PLCG2: variants seen among roughly 807,000 people sequenced by gnomAD.
The protein encoded by PLCG2 is phospholipase C gamma 2, also known as 1-phosphatidylinositol 4,5-bisphosphate phosphodiesterase gamma-2.
Under a neutral mutation model 175.6 loss-of-function variants are expected in PLCG2, and 69 were observed. The ratio of observed to expected loss-of-function variants is 0.39; its 90% CI spans 0.32 to 0.48. PLCG2 has a LOEUF of 0.48. PLCG2 is among the 20% of genes least tolerant of loss of function. PLCG2 has a pLI of 0.91. For synonymous variants in PLCG2, 827 were observed against 624.0 expected (o/e 1.33, Z -4.85); for missense variants, 1,798 against 1,650.9 (o/e 1.09, Z -1.54).
At chr16:81,897,436 T>C (rs775792570) in intron 13 of PLCG2, among the ~76,000 whole-genome samples, 1 of 152,196 alleles carries the variant, frequency 6.6e-6, no homozygotes, top group Non-Finnish European at 1.5e-5. Context: ...GCGGTTGTGA[T>C]GATTAAATGA....
At chr16:81,741,879 T>C (rs1197730064) in intron 1 of PLCG2, among the ~76,000 whole-genome samples, 2 of 152,230 alleles carry the variant, frequency 1.3e-5, no homozygotes, top group African/African-American at 4.8e-5. Context: ...CATTTCTTTG[T>C]GTTGTGAACA....
chr16:81,884,874 C>T (rs765299862), intron 9 of PLCG2, among the ~76,000 whole-genome samples: 9 of 151,976 alleles, frequency 5.9e-5, no homozygotes, highest in South Asian at 2.1e-4. Context: ...TTAAAAATTA[C>T]GAGCATTTTG....
At chr16:81,751,682 T>C (rs566695998) in intron 1 of PLCG2, among the ~76,000 whole-genome samples, 1 of 152,302 alleles carries the variant, frequency 6.6e-6, no homozygotes, top group South Asian at 2.1e-4. Context: ...GCTTTAATTA[T>C]TCCACGTTGT....
intron 5 of PLCG2, among the ~76,000 whole-genome samples, chr16:81,862,460 C>T (rs1907030127): frequency 1.3e-5 from 2 of 152,136 alleles, no homozygotes; most frequent in Non-Finnish European, 2.9e-5. Context: ...ACACTGAGGC[C>T]CAGAGAGGTT....
In PLCG2 at chr16:81,951,881, C is replaced by G. The variant is rs973308375; in HGVS notation, c.3571-4814C>G. The stretch of plus-strand genomic sequence containing the variant: ...AATTTTAGAAAAAAGGTCGAGTGAT[C>G]TCTATTGTATACAAATTTAAACTGT... On this transcript the variant is annotated intron_variant, in intron 31 of 32. Transcript: ENST00000564138. Among the ~76,000 whole-genome samples the G allele has an allele frequency of 7.9e-5, 12 of 152,266 alleles. No individual in the cohort carries two copies. The South Asian group carries it at 2.3e-3, about 29-fold the overall frequency.
At chr16:81,923,379 G>A (rs148928783) in intron 21 of PLCG2, 106 bp from the exon 22 acceptor site, 16 of 655,218 alleles carry the variant, frequency 2.4e-5, no homozygotes, top group Middle Eastern at 2.5e-4. Flanking sequence ...TTGGCCTGAA[G>A]CCTCCTGCTC....
At chr16:81,741,106 G>A (rs1240048673) in intron 1 of PLCG2, among the ~76,000 whole-genome samples, 3 of 152,218 alleles carry the variant, frequency 2.0e-5, no homozygotes, top group East Asian at 3.9e-4. Flanking sequence ...CTGCTGCCCC[G>A]ACATCCAGGC....
intron 2 of PLCG2, among the ~76,000 whole-genome samples, chr16:81,837,508 T>A (rs1269581513): frequency 6.6e-6 from 1 of 152,166 alleles, no homozygotes; most frequent in Non-Finnish European, 1.5e-5. Context: ...TAGAATCCCC[T>A]GGGAGGAGTA....
Position 81,923,314 on chromosome 16 carries a change from G to C in PLCG2, c.2308-171G>C, listed in dbSNP as rs1910131891. On this transcript the variant is annotated intron_variant, in intron 21 of 32. Coordinates refer to ENST00000564138, the MANE Select transcript of PLCG2 (RefSeq NM_002661.5). ...CTCCTTCACTCCCTGGTGGCTTTTT[G>C]GGGCCTTCGATCCTTTGCAATGCCA... is the stretch of plus-strand genomic sequence containing the variant. 3 of 556,298 alleles carry C rather than the reference G, an allele frequency of 5.4e-6. No homozygotes were observed. In the African/African-American group the frequency reaches 5.7e-5, roughly 10 times the overall value. 34.5% of individuals were successfully genotyped at this position (556,298 alleles called of 1,614,324 possible). A position where few individuals can be genotyped will look rare whatever the true frequency, so the allele number is the denominator to read the frequency against.
At chr16:81,905,544 C>G (rs747827456) in intron 15 of PLCG2, 37 bp downstream of exon 15, 2 of 1,376,288 alleles carry the variant, frequency 1.5e-6, no homozygotes, top group African/African-American at 2.8e-5. Context: ...ACTGCGGCCA[C>G]GCCCCTTGCA....
chr16:81,938,097 G>C (rs1348375404), intron 28 of PLCG2, among the ~76,000 whole-genome samples, 194 bp downstream of exon 28: 3 of 152,210 alleles, frequency 2.0e-5, no homozygotes, highest in Non-Finnish European at 4.4e-5. Context: ...GAAGAGGGAA[G>C]AGAGGGGAAA....
intron 31 of PLCG2, among the ~76,000 whole-genome samples, chr16:81,954,281 A>G (rs1597155599): frequency 6.6e-6 from 1 of 152,324 alleles, no homozygotes; most frequent in East Asian, 1.9e-4. Context: ...TCAGCCTCCC[A>G]AAGTGCTGGG....
At chr16:81,862,570 T>G (rs1322124546) in intron 5 of PLCG2, among the ~76,000 whole-genome samples, 1 of 152,150 alleles carries the variant, frequency 6.6e-6, no homozygotes, top group African/African-American at 2.4e-5. Context: ...TCTTTTTTCT[T>G]TTTTTAAATG....
intron 8 of PLCG2, among the ~76,000 whole-genome samples, chr16:81,882,637 A>G (rs769018373): frequency 1.2e-4 from 18 of 149,178 alleles, no homozygotes; most frequent in Non-Finnish European, 2.5e-4. Context: ...CCTCGCTCCT[A>G]CTCCTCTTTC....
At chr16:81,741,555 A>G (rs1909594697) in intron 1 of PLCG2, among the ~76,000 whole-genome samples, 1 of 152,212 alleles carries the variant, frequency 6.6e-6, no homozygotes, top group Non-Finnish European at 1.5e-5. Context: ...CACACCTTTG[A>G]TCCCAGCCCT....
In PLCG2 at chr16:81,961,265, T is replaced by C. The variant is rs955805653; in HGVS notation, c.*3267T>C. ...AGGATCAACATCTCCATAAATGAAA[T>C]TGAAAACGGAAAATAGAATTGATGA... On this transcript the variant is annotated 3_prime_UTR_variant, in exon 33 of 33. Transcript: ENST00000564138. The C allele has an allele frequency of 2.2e-5, 5 of 225,586 alleles. No individual in the cohort carries two copies. Among genetic ancestry groups the C allele is most frequent in the African/African-American group, 2.2e-5 (1 of 44,930 alleles). 14.0% of individuals were successfully genotyped at this position (225,586 alleles called of 1,614,324 possible).
intron 19 of PLCG2, among the ~76,000 whole-genome samples, chr16:81,919,181 C>G (rs1017557027): frequency 8.5e-5 from 13 of 152,164 alleles, no homozygotes; most frequent in African/African-American, 3.1e-4. Context: ...TACTCTTGAC[C>G]TAGTTCCCTA....
At chr16:81,740,426 G>C (rs1909564761) in intron 1 of PLCG2, 1 of 152,160 alleles carries the variant, frequency 6.6e-6, no homozygotes, top group African/African-American at 2.4e-5. Flanking sequence ...GGGCTGGCGT[G>C]CAGAGGCTCT....
At chr16:81,777,027 G>GA (rs1475984872), upstream of PLCG2, among the ~76,000 whole-genome samples, 2 of 142,394 alleles carry the variant, frequency 1.4e-5, no homozygotes, top group East Asian at 1.9e-4. Flanking sequence ...AAACATGAAA[G>GA]AAAAAAAAGC....
Sources: gnomAD v4.1 joint callset for allele counts (sites outside exome capture counted in the v4.1 genomes callset) on GRCh38, gnomAD v4.1.1 for gene constraint, MANE v1.5 for transcripts, NCBI Gene and HGNC (gene_info 2026-07-23, HGNC 2026-07-21) for gene names.